Variants in TEK observed in about 807,000 individuals in gnomAD.
TEK encodes TEK receptor tyrosine kinase.
TEK carries 43 observed loss-of-function variants against 131.8 expected under a neutral mutation model. The ratio of observed to expected loss-of-function variants is 0.33; its 90% confidence interval spans 0.26 to 0.42. The LOEUF (loss-of-function observed/expected upper bound fraction) is 0.42, where lower values mean the gene tolerates loss of function less well. Ranked by LOEUF, TEK falls within the 10% of genes least tolerant of loss-of-function variation. The probability of loss-of-function intolerance (pLI) is 1.00; values close to 1 mark genes in which losing one functional copy is unlikely to be tolerated. For missense variants in TEK, 1,162 were observed against 1,384.4 expected, an observed-to-expected ratio of 0.84 and a Z score of 2.55; for synonymous variants, 580 against 491.6, an observed-to-expected ratio of 1.18 and a Z score of -2.38.
chr9:27,195,779 C>T (rs1397253556), intron 11 of TEK: 2 of 440,986 alleles, frequency 4.5e-6, no homozygotes, highest in East Asian at 1.4e-4. Flanking sequence ...CTTATTACTC[C>T]TGAGTCTGGA....
chr9:27,152,376 T>C (rs1202818431), intron 1 of TEK, among the ~76,000 whole-genome samples: 1 of 151,458 alleles, frequency 6.6e-6, no homozygotes, highest in Non-Finnish European at 1.5e-5. Context: ...AATCAGGACT[T>C]GATTTCATCT....
intron 21 of TEK, among the ~76,000 whole-genome samples, chr9:27,222,960 C>T (rs1449720686): frequency 6.6e-6 from 1 of 152,014 alleles, no homozygotes; most frequent in Non-Finnish European, 1.5e-5. Flanking sequence ...TAAAAAAAAG[C>T]AGGGGTTGCA....
At chr9:27,224,422 T>A (rs528069544) in intron 21 of TEK, among the ~76,000 whole-genome samples, 81 of 152,274 alleles carry the variant, frequency 5.3e-4, no homozygotes, top group Admixed American at 1.0e-3. Context: ...TGATCAAGTC[T>A]GCTTCATCCT....
chr9:27,125,456 G>A (rs1821952463), intron 1 of TEK, among the ~76,000 whole-genome samples: 2 of 152,124 alleles, frequency 1.3e-5, no homozygotes, highest in South Asian at 2.1e-4. Context: ...TCTATTAGAG[G>A]CCCCCTTTTT....
At chr9:27,138,492 T>C (rs1325688443) in intron 1 of TEK, among the ~76,000 whole-genome samples, 2 of 152,196 alleles carry the variant, frequency 1.3e-5, no homozygotes, top group Non-Finnish European at 2.9e-5. Flanking sequence ...GAGTGCTGAT[T>C]GGTGCATTTA....
chr9:27,142,627 C>T (rs1822768073), intron 1 of TEK, among the ~76,000 whole-genome samples: 1 of 152,222 alleles, frequency 6.6e-6, no homozygotes, highest in Non-Finnish European at 1.5e-5. Context: ...CCAGAGAGTA[C>T]TCGTGTTTCT....
intron 1 of TEK, among the ~76,000 whole-genome samples, chr9:27,116,900 C>T (rs1224523497): frequency 2.8e-5 from 4 of 140,674 alleles, no homozygotes; most frequent in Admixed American, 7.8e-5. Context: ...CTCGCTCAGT[C>T]CCCCAGGCTG....
chr9:27,209,095 A>G, intron 15 of TEK, 26 bp from the exon 16 acceptor site: 1 of 1,551,438 alleles, frequency 6.4e-7, no homozygotes, highest in Non-Finnish European at 8.9e-7. Flanking sequence ...ACAAAGAAGA[A>G]TCACAACCCT....
intron 21 of TEK, among the ~76,000 whole-genome samples, chr9:27,227,245 G>A (rs912080160): frequency 6.6e-6 from 1 of 152,166 alleles, no homozygotes; most frequent in African/African-American, 2.4e-5. Flanking sequence ...TTTAGGGCAG[G>A]TTCCAGAATT....
At chr9:27,136,418 C>T (rs956617952) in intron 1 of TEK, among the ~76,000 whole-genome samples, 7 of 152,124 alleles carry the variant, frequency 4.6e-5, no homozygotes, top group African/African-American at 1.2e-4. Context: ...CACTGAGCTG[C>T]GGCTTCAATT....
Position 27,204,243 on chromosome 9 carries a change from T to C in TEK, c.2210-668T>C, listed in dbSNP as rs189562232. On this transcript the variant is annotated intron_variant, in intron 13 of 22. Transcript: ENST00000380036. ...GGATACTTTTAAGAGGACGAGATCATGTTCTATGTGCTATTGCTAATAAAA... is the reference window on the plus strand; with the variant it reads ...GGATACTTTTAAGAGGACGAGATCACGTTCTATGTGCTATTGCTAATAAAA... Among the ~76,000 whole-genome samples, 35 of 152,352 alleles carry C rather than the reference T, an allele frequency of 2.3e-4. No homozygotes were observed. In the East Asian group the frequency reaches 6.4e-3, roughly 28 times the overall value.
chr9:27,172,187 C>A (rs1218771925), intron 4 of TEK, among the ~76,000 whole-genome samples: 1 of 152,156 alleles, frequency 6.6e-6, no homozygotes, highest in East Asian at 1.9e-4. Context: ...GATGGGGATG[C>A]TACTGGTCAG....
intron 6 of TEK, among the ~76,000 whole-genome samples, chr9:27,175,688 T>C (rs889543708): frequency 1.3e-5 from 2 of 152,144 alleles, no homozygotes; most frequent in Admixed American, 1.3e-4. Flanking sequence ...TTCTAACTGG[T>C]GTGAGATGGT....
chr9:27,217,571 A>C, intron 18 of TEK, 117 bp from the exon 19 acceptor site: 1 of 869,250 alleles, frequency 1.2e-6, no homozygotes, highest in Non-Finnish European at 1.9e-6. Context: ...GGACATACAC[A>C]AAGCAATGAT....
intron 16 of TEK, among the ~76,000 whole-genome samples, chr9:27,211,019 T>G (rs1564100805): frequency 6.6e-6 from 1 of 151,742 alleles, no homozygotes; most frequent in Non-Finnish European, 1.5e-5. Context: ...CTACTCGGGA[T>G]GCTGAGGCAG....
chr9:27,176,731 G>A (rs1374337313), intron 6 of TEK, among the ~76,000 whole-genome samples: 2 of 152,214 alleles, frequency 1.3e-5, no homozygotes, highest in Admixed American at 6.5e-5. Flanking sequence ...CACATTTCAA[G>A]TGTACAATAC....
In TEK at chr9:27,109,619, G is replaced by A. The variant is rs769386115; in HGVS notation, c.29G>A (p.Cys10Tyr). MDSLASLVL[C>Y]GVSLLLSGTV... ...GACTCTTTAGCCAGCTTAGTTCTCT[G>A]TGGAGTCAGCTTGCTCCTTTCTGGT... The change falls in exon 1 of 23, where the codon TGT (cysteine) becomes TAT (tyrosine). Residue 10 changes from cysteine to tyrosine, a missense_variant. Coordinates refer to ENST00000380036, the MANE Select transcript of TEK (RefSeq NM_000459.5). 2.5e-6 allele frequency: 4 copies of A among 1,614,178 alleles called. No individual in the cohort carries two copies. The East Asian group carries it at 6.7e-5, about 27-fold the overall frequency.
At chr9:27,195,867 G>A (rs1329582035) in intron 11 of TEK, among the ~76,000 whole-genome samples, 1 of 152,194 alleles carries the variant, frequency 6.6e-6, no homozygotes, top group Non-Finnish European at 1.5e-5. Context: ...AAGTAAAGTG[G>A]CATGTTCCTG....
chr9:27,184,984 T>G (rs1489117958), intron 8 of TEK, among the ~76,000 whole-genome samples: 1 of 151,844 alleles, frequency 6.6e-6, no homozygotes, highest in African/African-American at 2.4e-5. Flanking sequence ...TGCAGTGAAC[T>G]ATGATCACTC....
Sources: allele counts gnomAD v4.1 joint callset (sites outside exome capture counted in the v4.1 genomes callset), GRCh38; gene constraint gnomAD v4.1.1; transcripts MANE v1.5; gene names NCBI Gene and HGNC (gene_info 2026-07-23, HGNC 2026-07-21).